ADGRV1: variants seen among roughly 807,000 people sequenced by gnomAD.
The protein encoded by ADGRV1 is G-protein coupled receptor 98.
In ADGRV1, 359 loss-of-function variants were observed where a neutral mutation model predicts 596.2. That is an observed-to-expected ratio of 0.60 (90% CI 0.55 to 0.66). The LOEUF (loss-of-function observed/expected upper bound fraction) is 0.66. ADGRV1 is among the 30% of genes least tolerant of loss of function. The pLI is 0.00. For missense variants in ADGRV1, 7,274 were observed against 7,575.6 expected, an observed-to-expected ratio of 0.96 and a Z score of 1.48; for synonymous variants, 2,681 against 2,679.2, an observed-to-expected ratio of 1.00 and a Z score of -0.02.
chr5:90,712,062 A>G (rs528104682), intron 41 of ADGRV1, among the ~76,000 whole-genome samples: 1 of 152,344 alleles, frequency 6.6e-6, no homozygotes, highest in Admixed American at 6.5e-5. Flanking sequence ...TGCTGGGATT[A>G]CAGGCGTGAG....
At chr5:90,576,612 C>A (rs1243988077) in intron 1 of ADGRV1, among the ~76,000 whole-genome samples, 1 of 152,142 alleles carries the variant, frequency 6.6e-6, no homozygotes, top group Non-Finnish European at 1.5e-5. Flanking sequence ...GATTTATAAT[C>A]CTTTGGGTAT....
chr5:90,909,997 A>C (rs1399199375), intron 83 of ADGRV1, among the ~76,000 whole-genome samples: 2 of 152,258 alleles, frequency 1.3e-5, no homozygotes, highest in African/African-American at 4.8e-5. Context: ...AGGCTTCTGG[A>C]GGAAAGAGTA....
At chr5:91,084,693 T>C (rs1288325715) in intron 86 of ADGRV1, among the ~76,000 whole-genome samples, 1 of 152,140 alleles carries the variant, frequency 6.6e-6, no homozygotes, top group Non-Finnish European at 1.5e-5. Context: ...GATCTAAAAC[T>C]AGAAATACCA....
At chr5:91,060,399 T>TATA (rs61065807) in intron 85 of ADGRV1, among the ~76,000 whole-genome samples, 221 of 21,538 alleles carry the variant, frequency 0.01, no homozygotes, top group Non-Finnish European at 0.023. Context: ...TATATATATA[T>TATA]TTTTTTTTTT....
At chr5:90,906,745 T>G (rs1367644688) in intron 83 of ADGRV1, among the ~76,000 whole-genome samples, 3 of 152,152 alleles carry the variant, frequency 2.0e-5, no homozygotes, top group Non-Finnish European at 4.4e-5. Context: ...TGCTGCTCTC[T>G]TCTTTATTAT....
intron 71 of ADGRV1, 106 bp downstream of exon 71, chr5:90,802,988 TTAAATA>T (rs765497726): frequency 1.2e-4 from 98 of 849,892 alleles, no homozygotes; most frequent in Non-Finnish European, 1.3e-4. Flanking sequence ...AACTATTTTC[TTAAATA>T]TAAATAACTC....
intron 6 of ADGRV1, chr5:90,625,960 AT>A (rs775970075): frequency 1.3e-5 from 2 of 152,176 alleles, no homozygotes; most frequent in African/African-American, 2.4e-5. Context: ...TATATTTCAC[AT>A]TGGAACTAGC....
At chr5:90,785,518 CTAAT>C (rs1269617036) in intron 67 of ADGRV1, among the ~76,000 whole-genome samples, 2 of 152,118 alleles carry the variant, frequency 1.3e-5, no homozygotes, top group Non-Finnish European at 2.9e-5. Flanking sequence ...TGACAAAGGG[CTAAT>C]ATCCAGAATC....
chr5:90,620,873 A>G (rs1167551854), intron 4 of ADGRV1, among the ~76,000 whole-genome samples: 2 of 152,198 alleles, frequency 1.3e-5, no homozygotes, highest in African/African-American at 4.8e-5. Context: ...AGCAGGTATT[A>G]CATCTCTTCA....
At position 90,759,565 on chromosome 5, in the gene ADGRV1, G is replaced by A. The variant is rs760633584; in HGVS notation, c.12097G>A (p.Val4033Ile). ...VIPQNDSPFGVFGFEEKTVMI... is the reference protein window; with the variant it reads ...VIPQNDSPFGIFGFEEKTVMI... ...TCCACAAAATGATTCTCCATTTGGA[G>A]TATTTGGATTTGAAGAAAAGACTGT... The change falls in exon 58 of 90, where the codon GTA becomes ATA. Residue 4033 changes from valine to isoleucine, a missense_variant. By Grantham distance (29) the Val-to-Ile change is conservative (BLOSUM62 3). Transcript: ENST00000405460. 6.2e-7 allele frequency: 1 copy of A among 1,613,520 alleles called. No individual in the cohort carries two copies. Among genetic ancestry groups the A allele is most frequent in the East Asian group, 2.2e-5 (1 of 44,854 alleles).
At chr5:90,880,508 A>G (rs1294408044) in intron 83 of ADGRV1, among the ~76,000 whole-genome samples, 1 of 152,224 alleles carries the variant, frequency 6.6e-6, no homozygotes, top group Non-Finnish European at 1.5e-5. Context: ...AATACACCAA[A>G]GTAGGACATT....
At chr5:91,100,283 G>A (rs758904721) in intron 86 of ADGRV1, among the ~76,000 whole-genome samples, 9 of 152,074 alleles carry the variant, frequency 5.9e-5, no homozygotes, top group Non-Finnish European at 8.8e-5. Context: ...TTAAGTGGGC[G>A]TGGTGGCATG....
rs1490862342 is a variant in ADGRV1, at chr5:90,683,984, G to A, written c.6063G>A (p.Met2021Ile). 1.9e-6 allele frequency: 3 copies of A among 1,613,828 alleles called. No individual in the cohort carries two copies. Among genetic ancestry groups the A allele is most frequent in the Non-Finnish European group, 2.5e-6 (3 of 1,179,844 alleles). ...TCTCATATGCAACACTAGATGATAT[G>A]GAAAAACCACCTTATTTTCCACCTA... is the stretch of plus-strand genomic sequence containing the variant. Reference protein sequence around the residue: ...VLVSYATLDDMEKPPYFPPNL... With the variant: ...VLVSYATLDDIEKPPYFPPNL... The change falls in exon 28 of 90, where the codon ATG becomes ATA. Residue 2021 changes from methionine to isoleucine, a missense_variant. By Grantham distance (10) the Met-to-Ile change is conservative (BLOSUM62 1). Around this residue, in one of 5 missense-constraint regions of ADGRV1, gnomAD observed 3,643 missense variants for 3,809.2 expected, o/e 0.96. Transcript: ENST00000405460.
chr5:90,604,268 G>T (rs1761800841), intron 1 of ADGRV1, among the ~76,000 whole-genome samples: 1 of 152,090 alleles, frequency 6.6e-6, no homozygotes, highest in South Asian at 2.1e-4. Flanking sequence ...AGGCATCTGG[G>T]TTTGTAACAT....
At chr5:90,795,833 C>T (rs1490511860) in intron 70 of ADGRV1, among the ~76,000 whole-genome samples, 2 of 152,230 alleles carry the variant, frequency 1.3e-5, no homozygotes, top group African/African-American at 2.4e-5. Context: ...TCTGCAGCCT[C>T]TGCTGGTGAT....
chr5:90,782,211 G>A (rs188924085), intron 65 of ADGRV1, among the ~76,000 whole-genome samples: 1 of 152,160 alleles, frequency 6.6e-6, no homozygotes, highest in Admixed American at 6.5e-5. Flanking sequence ...TGGCTTCATT[G>A]CCTCTATCAA....
chr5:91,141,520 A>G (rs1017934601), intron 87 of ADGRV1, among the ~76,000 whole-genome samples: 1 of 152,210 alleles, frequency 6.6e-6, no homozygotes, highest in African/African-American at 2.4e-5. Flanking sequence ...TATAAATAAG[A>G]CCATCAACAA....
chr5:90,586,977 G>C (rs1414844654), intron 1 of ADGRV1, among the ~76,000 whole-genome samples: 1 of 152,126 alleles, frequency 6.6e-6, no homozygotes, highest in Non-Finnish European at 1.5e-5. Flanking sequence ...GTTTACCTAG[G>C]ATAGACAGGA....
chr5:90,693,110 T>A (rs903971310), intron 32 of ADGRV1, among the ~76,000 whole-genome samples: 1 of 151,600 alleles, frequency 6.6e-6, no homozygotes, highest in Non-Finnish European at 1.5e-5. Flanking sequence ...ATTTGTATGA[T>A]GTATGAAGGA....
Sources: gnomAD v4.1 joint callset for allele counts (sites outside exome capture counted in the v4.1 genomes callset) on GRCh38, gnomAD v4.1.1 for gene constraint, gnomAD v4.1.1 regional missense constraint, MANE v1.5 for transcripts, NCBI Gene and HGNC (gene_info 2026-07-23, HGNC 2026-07-21) for gene names.